The following RRP9 variants were observed in gnomAD, a reference collection of about 807,000 sequenced individuals.
The protein encoded by RRP9 is U3 small nucleolar RNA-interacting protein 2.
A neutral mutation model predicts 65.5 loss-of-function variants in RRP9; 35 were observed. The observed-to-expected ratio is 0.53, with a 90% confidence interval of 0.41 to 0.71. RRP9 has a LOEUF of 0.71. Ranked by LOEUF, RRP9 falls within the 30% of genes least tolerant of loss-of-function variation. RRP9 has a pLI of 0.00. For missense variants in RRP9, 533 were observed against 633.6 expected, an observed-to-expected ratio of 0.84 and a Z score of 1.70; for synonymous variants, 254 against 245.0, an observed-to-expected ratio of 1.04 and a Z score of -0.34.
intron 8 of RRP9, 74 bp downstream of exon 8, chr3:51,936,183 C>T: frequency 7.1e-7 from 1 of 1,414,772 alleles, no homozygotes; most frequent in Non-Finnish European, 1.0e-6. Context: ...ACAGAGACTC[C>T]AGAGGCCAGC....
rs323888 is a variant in RRP9, at chr3:51,935,509, T to C, written c.837-33A>G. The stretch of plus-strand genomic sequence containing the variant: ...GCCGGGCAGAGCAGGATAGTGGGGA[T>C]AGGGGTACTGCATGAACTCACGGGC... On this transcript the variant is annotated intron_variant, in intron 9 of 14. Coordinates refer to ENST00000232888, the MANE Select transcript of RRP9 (RefSeq NM_004704.5). The C allele has an allele frequency of 1.4e-3, 2,230 of 1,613,954 alleles. 37 individuals carry two copies. The African/African-American group carries it at 0.026, about 19-fold the overall frequency.
chr3:51,938,032 C>T (rs570866656), intron 3 of RRP9, 63 bp downstream of exon 3: 27 of 1,345,560 alleles, frequency 2.0e-5, no homozygotes, highest in Non-Finnish European at 2.4e-5. Flanking sequence ...GGGGCTGCAG[C>T]GGCGGGCAGC....
Position 51,936,321 on chromosome 3 carries a change from A to G in RRP9, c.671T>C (p.Leu224Pro). 1 of 1,614,160 alleles carries G rather than the reference A, an allele frequency of 6.2e-7. No homozygotes were observed. The highest frequency in any genetic ancestry group is 8.5e-7 in the Non-Finnish European group (1 of 1,180,026). Residue 224 changes from leucine to proline, a missense_variant, in exon 8 of 15, where the codon CTC (leucine) becomes CCC (proline). Coordinates refer to ENST00000232888, the MANE Select transcript of RRP9 (RefSeq NM_004704.5). ...CTGGCAGCTCTGGGCCTCCCAAATGAGAATGAGCTTGCTGCGGTCACCAGA... is the reference window on the plus strand; with the variant it reads ...CTGGCAGCTCTGGGCCTCCCAAATGGGAATGAGCTTGCTGCGGTCACCAGA... The part of the protein sequence containing the change: ...LASGDRSKLI[L>P]IWEAQSCQHL...
Position 51,934,492 on chromosome 3 carries a change from G to A in RRP9, c.1240C>T (p.Leu414Phe), listed in dbSNP as rs937210917. ...QCGEGFRQLD[L>F]LCDIPLVGFI... ...CTCACCAGGGGGATGTCACAGAGAAGGTCAAGCTGCCGGAAGCCTTCCCCA... is the reference window on the plus strand; with the variant it reads ...CTCACCAGGGGGATGTCACAGAGAAAGTCAAGCTGCCGGAAGCCTTCCCCA... The change falls in exon 13 of 15, where the codon CTT (leucine) becomes TTT (phenylalanine). Residue 414 changes from leucine (L) to phenylalanine (F), a missense_variant. Around this residue, in one of 3 missense-constraint regions of RRP9, gnomAD observed 449 missense variants for 550.6 expected, o/e 0.82. Coordinates refer to ENST00000232888, the MANE Select transcript of RRP9 (RefSeq NM_004704.5). This position sits in a 1 kb window ranked among gnomAD's most constrained non-coding sequence, Gnocchi z 4.1. The A allele has an allele frequency of 1.2e-6, 2 of 1,613,714 alleles. No homozygotes were observed. The highest frequency in any genetic ancestry group is 1.7e-6 in the Non-Finnish European group (2 of 1,179,828).
In RRP9 at chr3:51,938,158, C is replaced by A; in HGVS notation, c.217G>T (p.Glu73Ter). ...PEEEEEEELE[E>*]TAQEKKLRLA... ...CGCAGCTTCTTTTCCTGTGCAGTTT[C>A]CTCCAGCTCCTCCTCCTCCTCCTCC... Residue 73 changes from glutamate to a stop codon, truncating the protein, a stop_gained, in exon 3 of 15, where the codon GAA (glutamate) becomes TAA (stop). Coordinates refer to ENST00000232888, the MANE Select transcript of RRP9 (RefSeq NM_004704.5). LOFTEE classifies it high-confidence loss of function. 6.3e-7 allele frequency: 1 copy of A among 1,597,618 alleles called. No individual in the cohort carries two copies. Among genetic ancestry groups the A allele is most frequent in the East Asian group, 2.3e-5 (1 of 44,260 alleles).
At chr3:51,939,744 G>A (rs1308496460) in intron 2 of RRP9, among the ~76,000 whole-genome samples, 5 of 152,284 alleles carry the variant, frequency 3.3e-5, no homozygotes, top group South Asian at 4.2e-4. Flanking sequence ...TGACAGTTGC[G>A]GCTTCTAAGT....
rs1014406413 is a variant in RRP9 at position 51,935,856 on chromosome 3, T to C, written c.736-164A>G. Among the ~76,000 whole-genome samples, 30 of 152,196 alleles carry C rather than the reference T, an allele frequency of 2.0e-4. 2 individuals carry two copies. The highest frequency in any genetic ancestry group is 4.4e-5 in the Non-Finnish European group (3 of 68,034). ...CTGCCCCTGAGCAGATGCAGACGTC[T>C]TTTTTATTTATTTATTTTTTTTAGC... On this transcript the variant is annotated intron_variant, in intron 8 of 14. Transcript: ENST00000232888.
chr3:51,938,755 G>A (rs985136978), intron 2 of RRP9, among the ~76,000 whole-genome samples: 5 of 152,134 alleles, frequency 3.3e-5, no homozygotes, highest in Admixed American at 3.3e-4. Flanking sequence ...GAAAGGCAAG[G>A]GATACCGGAA....
chr3:51,936,187 G>A, intron 8 of RRP9, 70 bp downstream of exon 8: 1 of 1,435,474 alleles, frequency 7.0e-7, no homozygotes, highest in East Asian at 2.3e-5. Context: ...AGACTCCAGA[G>A]GCCAGCACTG....
At chr3:51,940,123 G>C (rs1699503620) in intron 2 of RRP9, among the ~76,000 whole-genome samples, 1 of 152,102 alleles carries the variant, frequency 6.6e-6, no homozygotes, top group Non-Finnish European at 1.5e-5. Flanking sequence ...AGGCATGGTG[G>C]TGCAGGCCTA....
intron 13 of RRP9, among the ~76,000 whole-genome samples, 198 bp from the exon 14 acceptor site, chr3:51,933,979 G>C (rs368358003): frequency 6.6e-6 from 1 of 152,194 alleles, no homozygotes; most frequent in African/African-American, 2.4e-5. Flanking sequence ...AGCAGAGCAC[G>C]GGGCTAGCAG....
chr3:51,937,513 C>T lies in RRP9; in HGVS notation c.390+32G>A. On this transcript the variant is annotated intron_variant, in intron 5 of 14. Transcript: ENST00000232888. The surrounding 1 kb of genome is among the most constrained non-coding windows in gnomAD (Gnocchi z 5.0). ...TCCAAGTGGGGCCCCCAATTCCCTC[C>T]AACCTTATACCAAAATACCATGCCC... 2 of 1,614,176 alleles carry T rather than the reference C, an allele frequency of 1.2e-6. No homozygotes were observed. The highest frequency in any genetic ancestry group is 1.6e-4 in the Middle Eastern group (1 of 6,062).
intron 6 of RRP9, 35 bp from the exon 7 acceptor site, chr3:51,936,590 G>T (rs781664738): frequency 6.9e-6 from 11 of 1,601,662 alleles, no homozygotes; most frequent in East Asian, 2.2e-5. Context: ...CTACTGGGAT[G>T]GGGGGATAGG....
intron 2 of RRP9, among the ~76,000 whole-genome samples, chr3:51,939,740 T>C (rs1212205417): frequency 6.6e-6 from 1 of 152,234 alleles, no homozygotes; most frequent in Non-Finnish European, 1.5e-5. Flanking sequence ...GGAATGACAG[T>C]TGCGGCTTCT....
rs777248874 is a variant in RRP9, at chr3:51,934,644, G to T, written c.1167C>A (p.Asp389Glu). 6.2e-7 allele frequency: 1 copy of T among 1,614,092 alleles called. No homozygotes were observed. Among genetic ancestry groups the T allele is most frequent in the Non-Finnish European group, 8.5e-7 (1 of 1,180,026 alleles). ...ISSVAALLNT[D>E]LVATGSHSSC... ...CAGGGCACCCACCTGTGGCCACAAGGTCTGTGTTGAGGAGGGCTGCCACCG... is the reference window on the plus strand; with the variant it reads ...CAGGGCACCCACCTGTGGCCACAAGTTCTGTGTTGAGGAGGGCTGCCACCG... The change falls in exon 12 of 15, where the codon GAC becomes GAA. Residue 389 changes from aspartate to glutamate, a missense_variant. Coordinates refer to ENST00000232888, the MANE Select transcript of RRP9 (RefSeq NM_004704.5). The surrounding 1 kb of genome is among the most constrained non-coding windows in gnomAD (Gnocchi z 4.1).
Position 51,933,526 on chromosome 3 carries a change from G to A in RRP9, c.1408C>T (p.Pro470Ser). The A allele has an allele frequency of 6.2e-7, 1 of 1,613,968 alleles. No individual in the cohort carries two copies. Among genetic ancestry groups the A allele is most frequent in the Middle Eastern group, 1.7e-4 (1 of 6,060 alleles). ...CIIPLRRVPVPPAAGS is the reference protein window; with the variant it reads ...CIIPLRRVPVSPAAGS The stretch of plus-strand genomic sequence containing the variant: ...GAGTGTCAGGAACCAGCAGCTGGGG[G>A]TACAGGGACCCTGCGGAGTGGGATG... The change falls in exon 15 of 15, where the codon CCC becomes TCC. Residue 470 changes from proline (P) to serine (S), a missense_variant. Physicochemically the swap from Pro to Ser is moderately conservative, Grantham distance 74. This residue lies in a region of RRP9 where 449 missense variants were observed against 550.6 expected (regional missense o/e 0.82). Coordinates refer to ENST00000232888, the MANE Select transcript of RRP9 (RefSeq NM_004704.5).
At position 51,934,644 on chromosome 3, in the gene RRP9, G is replaced by C; in HGVS notation, c.1167C>G (p.Asp389Glu). The stretch of plus-strand genomic sequence containing the variant: ...CAGGGCACCCACCTGTGGCCACAAG[G>C]TCTGTGTTGAGGAGGGCTGCCACCG... Reference protein sequence around the residue: ...ISSVAALLNTDLVATGSHSSC... With the variant: ...ISSVAALLNTELVATGSHSSC... Residue 389 changes from aspartate to glutamate, a missense_variant, in exon 12 of 15, where the codon GAC (aspartate) becomes GAG (glutamate). Coordinates refer to ENST00000232888, the MANE Select transcript of RRP9 (RefSeq NM_004704.5). The surrounding 1 kb of genome is among the most constrained non-coding windows in gnomAD (Gnocchi z 4.1). 6.2e-7 allele frequency: 1 copy of C among 1,614,092 alleles called. No homozygotes were observed. Among genetic ancestry groups the C allele is most frequent in the South Asian group, 1.1e-5 (1 of 91,078 alleles).
chr3:51,939,372 C>T (rs1699491484), intron 2 of RRP9, among the ~76,000 whole-genome samples: 1 of 152,208 alleles, frequency 6.6e-6, no homozygotes, highest in South Asian at 2.1e-4. Flanking sequence ...ACTAATTAAT[C>T]TATTGTTGAA....
chr3:51,936,702 G>A, intron 6 of RRP9, 147 bp from the exon 7 acceptor site: 1 of 823,356 alleles, frequency 1.2e-6, no homozygotes. Context: ...TGAGCCTCCG[G>A]ACAAGCTGCC....
Sources: allele counts gnomAD v4.1 joint callset (sites outside exome capture counted in the v4.1 genomes callset), GRCh38; gene constraint gnomAD v4.1.1; regional missense constraint gnomAD v4.1.1; non-coding constraint Gnocchi (gnomAD v3.1); transcripts MANE v1.5; gene names NCBI Gene and HGNC (gene_info 2026-07-23, HGNC 2026-07-21).